The following LDLRAD3 variants were observed in gnomAD, a reference collection of about 807,000 sequenced individuals.
The protein encoded by LDLRAD3 is low density lipoprotein receptor class A domain containing 3.
A neutral mutation model predicts 29.4 loss-of-function variants in LDLRAD3; 20 were observed. That is an observed-to-expected ratio of 0.68 (90% confidence interval 0.48 to 0.99). The LOEUF is 0.99. LDLRAD3 is among the 50% of genes least tolerant of loss of function. LDLRAD3 has a pLI of 0.00. For synonymous variants in LDLRAD3, 157 were observed against 192.7 expected (o/e 0.81, Z 1.53); for missense variants, 420 against 454.3 (o/e 0.92, Z 0.69).
At chr11:36,186,298 C>T (rs1173711759) in intron 4 of LDLRAD3, among the ~76,000 whole-genome samples, 1 of 152,150 alleles carries the variant, frequency 6.6e-6, no homozygotes, top group Non-Finnish European at 1.5e-5. Context: ...ATGTAATAAG[C>T]ACTCAGTAAA....
chr11:36,087,746 T>C (rs1056032376), intron 3 of LDLRAD3, among the ~76,000 whole-genome samples: 2 of 151,976 alleles, frequency 1.3e-5, no homozygotes, highest in African/African-American at 4.8e-5. Context: ...GGTCTCACTC[T>C]CATTTTCTAG....
At chr11:36,011,762 C>G (rs935356845) in intron 1 of LDLRAD3, among the ~76,000 whole-genome samples, 2 of 152,144 alleles carry the variant, frequency 1.3e-5, no homozygotes, top group African/African-American at 4.8e-5. Context: ...TCATCTTGAA[C>G]CTCAATTTCC....
At chr11:36,088,415 T>C (rs1853227841) in intron 3 of LDLRAD3, among the ~76,000 whole-genome samples, 1 of 152,156 alleles carries the variant, frequency 6.6e-6, no homozygotes, top group African/African-American at 2.4e-5. Flanking sequence ...GCTGAAGATC[T>C]TCTGCTACAG....
intron 4 of LDLRAD3, among the ~76,000 whole-genome samples, chr11:36,107,840 GC>G (rs905491940): frequency 2.0e-5 from 3 of 152,144 alleles, no homozygotes; most frequent in African/African-American, 7.2e-5. Context: ...GTTAAGCAAC[GC>G]ATGACTGTAT....
At chr11:36,112,652 C>G (rs1328726910) in intron 4 of LDLRAD3, among the ~76,000 whole-genome samples, 1 of 152,212 alleles carries the variant, frequency 6.6e-6, no homozygotes, top group Non-Finnish European at 1.5e-5. Flanking sequence ...TTCAAAGACA[C>G]TCAGGGCTGA....
intron 4 of LDLRAD3, among the ~76,000 whole-genome samples, chr11:36,170,087 T>C (rs1307225671): frequency 1.3e-5 from 2 of 152,038 alleles, no homozygotes; most frequent in Non-Finnish European, 2.9e-5. Context: ...TCCTCATAGC[T>C]TAGCTCCCAC....
intron 4 of LDLRAD3, among the ~76,000 whole-genome samples, chr11:36,175,657 C>T (rs1385305971): frequency 2.6e-5 from 4 of 152,218 alleles, no homozygotes; most frequent in Non-Finnish European, 5.9e-5. Context: ...TTTTATTCTG[C>T]TTTGGTCTGA....
intron 4 of LDLRAD3, among the ~76,000 whole-genome samples, chr11:36,219,304 AT>A (rs986056924): frequency 7.9e-5 from 12 of 151,614 alleles, no homozygotes; most frequent in Non-Finnish European, 1.5e-4. Flanking sequence ...TTTCTATATT[AT>A]TTTTTTTTAA....
chr11:36,028,841 C>A (rs1182641849), intron 1 of LDLRAD3, among the ~76,000 whole-genome samples: 1 of 152,166 alleles, frequency 6.6e-6, no homozygotes, highest in Non-Finnish European at 1.5e-5. Flanking sequence ...TGGCCATTTG[C>A]AGACTTGTTC....
chr11:35,985,606 A>G (rs1851604511), intron 1 of LDLRAD3, among the ~76,000 whole-genome samples: 1 of 152,116 alleles, frequency 6.6e-6, no homozygotes, highest in Non-Finnish European at 1.5e-5. Flanking sequence ...CATAATCCCT[A>G]CGTGTTGTGG....
intron 4 of LDLRAD3, among the ~76,000 whole-genome samples, chr11:36,158,603 C>T (rs1008277158): frequency 1.4e-5 from 2 of 144,882 alleles, no homozygotes; most frequent in African/African-American, 2.5e-5. Flanking sequence ...ATTATATCTA[C>T]TCTCTGTCTC....
chr11:36,072,579 A>G (rs939501907), intron 2 of LDLRAD3, among the ~76,000 whole-genome samples: 1 of 152,212 alleles, frequency 6.6e-6, no homozygotes, highest in Non-Finnish European at 1.5e-5. Context: ...TTGATCAGGT[A>G]TGGCTCTAGG....
At chr11:36,221,121 G>A (rs935222126) in intron 4 of LDLRAD3, among the ~76,000 whole-genome samples, 1 of 151,978 alleles carries the variant, frequency 6.6e-6, no homozygotes, top group Non-Finnish European at 1.5e-5. Context: ...GCTGAGGTGG[G>A]TGGATCACTT....
intron 2 of LDLRAD3, among the ~76,000 whole-genome samples, chr11:36,056,756 C>T (rs1223983702): frequency 2.0e-5 from 3 of 152,180 alleles, no homozygotes; most frequent in Non-Finnish European, 2.9e-5. Context: ...TTGAGGAACA[C>T]TTTGCTATCT....
intron 1 of LDLRAD3, among the ~76,000 whole-genome samples, chr11:35,999,780 C>A (rs1851800398): frequency 6.6e-6 from 1 of 152,178 alleles, no homozygotes; most frequent in South Asian, 2.1e-4. Flanking sequence ...TGCTGTCAGC[C>A]ATGGCAGGGT....
At chr11:36,224,381 C>T (rs989968149) in intron 4 of LDLRAD3, among the ~76,000 whole-genome samples, 9 of 152,052 alleles carry the variant, frequency 5.9e-5, no homozygotes, top group Admixed American at 6.6e-5. Flanking sequence ...TACAGCTCTC[C>T]CTGCTAGATA....
At chr11:36,013,826 T>C (rs1851986925) in intron 1 of LDLRAD3, among the ~76,000 whole-genome samples, 1 of 152,142 alleles carries the variant, frequency 6.6e-6, no homozygotes, top group African/African-American at 2.4e-5. Flanking sequence ...TGACAGTGGC[T>C]GTTACAGATG....
At chr11:36,105,244 A>T (rs1000996729) in intron 4 of LDLRAD3, among the ~76,000 whole-genome samples, 143 of 140,938 alleles carry the variant, frequency 1.0e-3, no homozygotes, top group African/African-American at 3.9e-3. Context: ...TGTGTGAGAG[A>T]GAGAGAGAGA....
intron 4 of LDLRAD3, among the ~76,000 whole-genome samples, chr11:36,188,655 T>C (rs1239851841): frequency 6.6e-6 from 1 of 152,114 alleles, no homozygotes; most frequent in East Asian, 1.9e-4. Flanking sequence ...ACTGCCCCTC[T>C]CACACCCAGG....
Sources: gnomAD v4.1 joint callset for allele counts (sites outside exome capture counted in the v4.1 genomes callset) on GRCh38, gnomAD v4.1.1 for gene constraint, MANE v1.5 for transcripts, NCBI Gene and HGNC (gene_info 2026-07-23, HGNC 2026-07-21) for gene names.